Variants in GOSR2 observed in about 807,000 individuals in gnomAD.
GOSR2 encodes 27 kDa Golgi SNARE protein.
Under a neutral mutation model 27.9 loss-of-function variants are expected in GOSR2, and 20 were observed. The ratio of observed to expected loss-of-function variants is 0.72; its 90% CI spans 0.50 to 1.04. The LOEUF (loss-of-function observed/expected upper bound fraction) is 1.04. GOSR2 is among the 50% of genes least tolerant of loss of function. The pLI, the probability that GOSR2 is intolerant of heterozygous loss-of-function variation, is 0.00. For synonymous variants in GOSR2, 91 were observed against 98.8 expected (o/e 0.92, Z 0.47); for missense variants, 261 against 270.5 (o/e 0.97, Z 0.25).
At position 46,941,066 on chromosome 17, in the gene GOSR2, T is replaced by A; in HGVS notation, c.*2306T>A. On this transcript the variant is annotated 3_prime_UTR_variant, in exon 6 of 6. Transcript: ENST00000640051. ...GCAAGAAACTCCGGTAGCCAGCCTC[T>A]GTGACCTTGTACATGAGTTTGGTGT... The A allele has an allele frequency of 9.2e-7, 1 of 1,082,418 alleles. No individual in the cohort carries two copies. 67.1% of individuals were successfully genotyped at this position (1,082,418 alleles called of 1,614,324 possible).
rs2089159515 is a variant in GOSR2 at position 46,940,732 on chromosome 17, A to G, written c.*1972A>G. On this transcript the variant is annotated 3_prime_UTR_variant, in exon 6 of 6. Transcript: ENST00000640051. ...CCACACTTGACAGTGGTTGGCTTTG[A>G]TGAACCCTCATGCTGCACCTTCAGA... 1.9e-6 allele frequency: 3 copies of G among 1,586,624 alleles called. No individual in the cohort carries two copies. Among genetic ancestry groups the G allele is most frequent in the East Asian group, 4.5e-5 (2 of 44,202 alleles).
At chr17:46,934,266 AG>A (rs2087893343) in intron 4 of GOSR2, among the ~76,000 whole-genome samples, 1 of 151,512 alleles carries the variant, frequency 6.6e-6, no homozygotes, top group Non-Finnish European at 1.5e-5. Context: ...TAAAATGGGG[AG>A]GCCTGTGGAC....
At position 46,923,191 on chromosome 17, in the gene GOSR2, A is replaced by C; in HGVS notation, c.-2A>C. On this transcript the variant is annotated 5_prime_UTR_variant, in exon 1 of 6. Coordinates refer to ENST00000640051, the MANE Select transcript of GOSR2 (RefSeq NM_004287.5). ...GGAGCCGTGGCCTGCGGGGCCGGCG[A>C]CATGGATCCCCTGTTCCAGCAAACG... is the stretch of plus-strand genomic sequence containing the variant. The C allele has an allele frequency of 6.5e-7, 1 of 1,544,738 alleles. No homozygotes were observed. Among genetic ancestry groups the C allele is most frequent in the Non-Finnish European group, 8.8e-7 (1 of 1,140,892 alleles).
At chr17:46,957,952 T>A (rs2147278063) in intron 6 of GOSR2, among the ~76,000 whole-genome samples, 1 of 148,908 alleles carries the variant, frequency 6.7e-6, no homozygotes, top group South Asian at 2.2e-4. Context: ...TGAGAGGGAG[T>A]CGGAGATCTG....
Position 46,934,855 on chromosome 17 carries a change from G to A in GOSR2, c.337-174G>A, listed in dbSNP as rs1490994387. Among the ~76,000 whole-genome samples the A allele has an allele frequency of 2.0e-5, 3 of 152,228 alleles. No homozygotes were observed. The East Asian group carries it at 5.8e-4, about 29-fold the overall frequency. On this transcript the variant is annotated intron_variant, in intron 4 of 5. Coordinates refer to ENST00000640051, the MANE Select transcript of GOSR2 (RefSeq NM_004287.5). ...TCTGAGGAAGTTCCTCTTCTGTGTG[G>A]ACAGAGGCCACCCCAGGCCTTTGCT...
At chr17:46,949,775 C>G (rs754037421) in intron 6 of GOSR2, among the ~76,000 whole-genome samples, 2 of 152,072 alleles carry the variant, frequency 1.3e-5, no homozygotes, top group African/African-American at 4.8e-5. Context: ...GGAGCCTGGG[C>G]GGACGGTCTC....
Position 46,939,773 on chromosome 17 carries a change from T to A in GOSR2, c.*1013T>A. The A allele has an allele frequency of 1.0e-6, 1 of 986,828 alleles. No homozygotes were observed. The allele number at this position is 986,828 out of a possible 1,614,324, so 61.1% of individuals were successfully genotyped here. On this transcript the variant is annotated 3_prime_UTR_variant, in exon 6 of 6. Coordinates refer to ENST00000640051, the MANE Select transcript of GOSR2 (RefSeq NM_004287.5). ...CACTCTGTTTTCAGGGACTACAACC[T>A]TTTTCCTTCTGTGACCAGCCCCGGA...
intron 6 of GOSR2, among the ~76,000 whole-genome samples, chr17:46,953,585 A>G (rs955613199): frequency 6.6e-5 from 10 of 152,316 alleles, no homozygotes; most frequent in African/African-American, 2.4e-4. Flanking sequence ...GCTGGGTCAA[A>G]TGGTATTTCT....
At chr17:46,931,845 A>T in intron 3 of GOSR2, 1 of 591,010 alleles carries the variant, frequency 1.7e-6, no homozygotes, top group Non-Finnish European at 3.0e-6. Context: ...TCTGAAGTCA[A>T]GCTGCTGGAA....
downstream of GOSR2, among the ~76,000 whole-genome samples, chr17:46,945,691 C>T (rs2089794327): frequency 6.6e-6 from 1 of 152,176 alleles, no homozygotes; most frequent in Non-Finnish European, 1.5e-5. Flanking sequence ...TGGCCCTGCT[C>T]ACCTCCTGGC....
rs197923 is a variant in GOSR2, at chr17:46,931,376, G to C, written c.203+169G>C. 0.33 allele frequency: 208,158 copies of C among 632,128 alleles called. 36,483 individuals carry two copies. The highest frequency in any genetic ancestry group is 0.42 in the South Asian group (22,350 of 52,760). 39.2% of individuals were successfully genotyped at this position (632,128 alleles called of 1,614,324 possible). A position where few individuals can be genotyped will look rare whatever the true frequency, so the allele number is the denominator to read the frequency against. On this transcript the variant is annotated intron_variant, in intron 3 of 5. Coordinates refer to ENST00000640051, the MANE Select transcript of GOSR2 (RefSeq NM_004287.5). ...GGCACAATTCTATCTGAGTGATGCC[G>C]CTCAAAATAAATAGCCTGTGAGGTT...
At chr17:46,923,507 A>G in intron 1 of GOSR2, 1 of 1,382,922 alleles carries the variant, frequency 7.2e-7, no homozygotes, top group South Asian at 1.8e-5. Context: ...TGGCACCTGC[A>G]GGTTATAAAA....
chr17:46,936,821 A>T, intron 5 of GOSR2: 1 of 984,960 alleles, frequency 1.0e-6, no homozygotes, highest in Non-Finnish European at 1.2e-6. Context: ...CTCTGATGGC[A>T]ATGAAGTTTG....
downstream of GOSR2, among the ~76,000 whole-genome samples, chr17:46,945,831 G>T (rs2089809647): frequency 6.6e-6 from 1 of 152,316 alleles, no homozygotes; most frequent in South Asian, 2.1e-4. Context: ...TCACCAGGTG[G>T]TTGTGAATGT....
At chr17:46,926,572 T>A (rs912697101) in intron 1 of GOSR2, among the ~76,000 whole-genome samples, 2 of 152,218 alleles carry the variant, frequency 1.3e-5, no homozygotes, top group African/African-American at 4.8e-5. Context: ...TTTTTCCTCA[T>A]GTCCACGCTC....
chr17:46,973,820 A>G (rs1568221850), intron 6 of GOSR2, among the ~76,000 whole-genome samples: 2 of 146,668 alleles, frequency 1.4e-5, no homozygotes, highest in Non-Finnish European at 3.1e-5. Flanking sequence ...TGCGTGCGAC[A>G]CATGTGTACA....
In GOSR2 at chr17:46,939,218, A is replaced by G; in HGVS notation, c.*458A>G. The stretch of plus-strand genomic sequence containing the variant: ...AGAGGCCTTTTCTCACAGCCATTAT[A>G]TTAAATAGTAGGTCGATTCACATCC... On this transcript the variant is annotated 3_prime_UTR_variant, in exon 6 of 6. Transcript: ENST00000640051. 1.9e-6 allele frequency: 2 copies of G among 1,071,832 alleles called. No homozygotes were observed. The highest frequency in any genetic ancestry group is 2.3e-6 in the Non-Finnish European group (2 of 879,160). The allele number at this position is 1,071,832 out of a possible 1,614,324, so 66.4% of individuals were successfully genotyped here. A position where few individuals can be genotyped will look rare whatever the true frequency, so the allele number is the denominator to read the frequency against.
downstream of GOSR2, among the ~76,000 whole-genome samples, chr17:46,968,502 C>T (rs914209691): frequency 6.6e-6 from 1 of 152,254 alleles, no homozygotes; most frequent in East Asian, 1.9e-4. Context: ...CCACCAGCCA[C>T]CCAGCCCCTG....
intron 6 of GOSR2, among the ~76,000 whole-genome samples, chr17:46,966,300 T>C (rs1320135254): frequency 6.6e-6 from 1 of 152,202 alleles, no homozygotes; most frequent in Non-Finnish European, 1.5e-5. Flanking sequence ...ACCACTTTTT[T>C]TGAGACAGGG....
Sources: allele counts gnomAD v4.1 joint callset (sites outside exome capture counted in the v4.1 genomes callset), GRCh38; gene constraint gnomAD v4.1.1; transcripts MANE v1.5; gene names NCBI Gene and HGNC (gene_info 2026-07-23, HGNC 2026-07-21).